The following GNAT3 variants were observed in gnomAD, a reference collection of about 807,000 sequenced individuals.
The protein encoded by GNAT3 is guanine nucleotide-binding protein G(t) subunit alpha-3.
Under a neutral mutation model 37.7 loss-of-function variants are expected in GNAT3, and 31 were observed. The observed-to-expected ratio is 0.82, with a 90% CI of 0.62 to 1.11. GNAT3 has a LOEUF of 1.11. GNAT3 is among the 50% of genes most tolerant of loss of function. GNAT3 has a pLI of 0.00. For synonymous variants in GNAT3, 138 were observed against 139.8 expected (o/e 0.99, Z 0.09); for missense variants, 437 against 412.5 (o/e 1.06, Z -0.51).
intron 3 of GNAT3, among the ~76,000 whole-genome samples, chr7:80,482,858 T>C (rs369203687): frequency 6.6e-5 from 10 of 152,072 alleles, no homozygotes; most frequent in African/African-American, 2.2e-4. Context: ...ATTCTATTTT[T>C]AATTTCAATA....
chr7:80,479,825 C>T (rs558520293), intron 3 of GNAT3, among the ~76,000 whole-genome samples: 4 of 151,500 alleles, frequency 2.6e-5, no homozygotes, highest in African/African-American at 4.8e-5. Flanking sequence ...GTTACTGCCT[C>T]GTAATCATAT....
chr7:80,464,489 A>G (rs991169026), intron 5 of GNAT3, among the ~76,000 whole-genome samples: 2 of 152,144 alleles, frequency 1.3e-5, no homozygotes, highest in African/African-American at 2.4e-5. Context: ...ATTGCAGACT[A>G]TAGAAGACTA....
At chr7:80,506,791 T>C (rs1020290281) in intron 1 of GNAT3, among the ~76,000 whole-genome samples, 2 of 152,196 alleles carry the variant, frequency 1.3e-5, no homozygotes, top group African/African-American at 4.8e-5. Flanking sequence ...GTGTACAACA[T>C]GGCATTTTGA....
chr7:80,471,571 T>C (rs1790220784), intron 5 of GNAT3, among the ~76,000 whole-genome samples: 1 of 152,164 alleles, frequency 6.6e-6, no homozygotes, highest in Middle Eastern at 3.4e-3. Flanking sequence ...AACTTAAAGA[T>C]AGTTCCCCAA....
chr7:80,501,495 G>A (rs1790833783), intron 1 of GNAT3, among the ~76,000 whole-genome samples: 1 of 151,826 alleles, frequency 6.6e-6, no homozygotes, highest in Non-Finnish European at 1.5e-5. Context: ...AATTCTAAAT[G>A]TTATCTAATA....
At chr7:80,465,175 A>G (rs1023238243) in intron 5 of GNAT3, among the ~76,000 whole-genome samples, 1 of 152,170 alleles carries the variant, frequency 6.6e-6, no homozygotes, top group Non-Finnish European at 1.5e-5. Flanking sequence ...AAACAACCTT[A>G]GTGTTTTTCA....
At chr7:80,508,333 G>A (rs552599140) in intron 1 of GNAT3, among the ~76,000 whole-genome samples, 1 of 151,850 alleles carries the variant, frequency 6.6e-6, no homozygotes, top group South Asian at 2.1e-4. Context: ...GATGTAATAA[G>A]CATAAAGAGA....
intron 1 of GNAT3, among the ~76,000 whole-genome samples, chr7:80,508,531 T>C (rs996363665): frequency 1.8e-4 from 28 of 152,194 alleles, no homozygotes; most frequent in African/African-American, 6.7e-4. Context: ...GGAATATCTT[T>C]GCAAGTAAAT....
chr7:80,463,894 T>C (rs2906197), intron 5 of GNAT3, among the ~76,000 whole-genome samples: 2,925 of 150,902 alleles, frequency 0.019, 87 homozygotes, highest in African/African-American at 0.066. Context: ...TGAGAGAACA[T>C]AGCATGTTTG....
intron 3 of GNAT3, among the ~76,000 whole-genome samples, chr7:80,481,118 C>CA (rs1177655875): frequency 2.0e-5 from 3 of 152,014 alleles, no homozygotes; most frequent in Non-Finnish European, 4.4e-5. Context: ...AAGGATATGT[C>CA]ACTTATTGTT....
At chr7:80,505,294 T>A (rs918519941) in intron 1 of GNAT3, among the ~76,000 whole-genome samples, 1 of 152,214 alleles carries the variant, frequency 6.6e-6, no homozygotes, top group Admixed American at 6.5e-5. Context: ...ATCAGACAAC[T>A]AATTCACTAA....
At chr7:80,485,044 G>A (rs1160811747) in intron 3 of GNAT3, among the ~76,000 whole-genome samples, 1 of 151,998 alleles carries the variant, frequency 6.6e-6, no homozygotes, top group African/African-American at 2.4e-5. Flanking sequence ...ACCTTTCAAT[G>A]TGGATAATTC....
At chr7:80,500,128 A>G (rs1388966724) in intron 1 of GNAT3, among the ~76,000 whole-genome samples, 1 of 152,096 alleles carries the variant, frequency 6.6e-6, no homozygotes, top group Non-Finnish European at 1.5e-5. Flanking sequence ...TACCAGATTT[A>G]TGAACAGCAC....
At position 80,462,231 on chromosome 7, in the gene GNAT3, G is replaced by A. The variant is rs372732114; in HGVS notation, c.802C>T (p.Leu268Phe). ...YFSTTSIVLFLNKKDIFQEKV... is the reference protein window; with the variant it reads ...YFSTTSIVLFFNKKDIFQEKV... ...TCTTGAAAGATATCTTTTTTGTTGA[G>A]GAACAGGACAATGGAGGTTGTTGAA... The change falls in exon 7 of 8, where the codon CTC becomes TTC. Residue 268 changes from leucine (L) to phenylalanine (F), a missense_variant. Physicochemically the swap from Leu to Phe is conservative, Grantham distance 22. Coordinates refer to ENST00000398291, the MANE Select transcript of GNAT3 (RefSeq NM_001102386.3). The A allele has an allele frequency of 1.1e-5, 18 of 1,610,602 alleles. No homozygotes were observed. Among genetic ancestry groups the A allele is most frequent in the Non-Finnish European group, 1.4e-5 (16 of 1,177,898 alleles).
chr7:80,491,388 C>G (rs1790588616), intron 2 of GNAT3, among the ~76,000 whole-genome samples: 1 of 152,122 alleles, frequency 6.6e-6, no homozygotes, highest in South Asian at 2.1e-4. Flanking sequence ...CTAGTTTAGA[C>G]AAAGTGTGTG....
At position 80,478,897 on chromosome 7, in the gene GNAT3, T is replaced by C. The variant is rs200968174; in HGVS notation, c.405A>G (p.Gly135=). 2 of 1,613,434 alleles carry C rather than the reference T, an allele frequency of 1.2e-6. No homozygotes were observed. The highest frequency in any genetic ancestry group is 1.7e-6 in the Non-Finnish European group (2 of 1,179,536). ...ATGCCCTTTCAAAGCAGGCCTGAAT[T>C]CCTGGATCTCTCCACAGCCGTTTTA... ...EVIKRLWRDP[G]IQACFERASE... The change falls in exon 4 of 8, where the codon GGA becomes GGG. Residue 135 remains glycine, a synonymous_variant. Coordinates refer to ENST00000398291, the MANE Select transcript of GNAT3 (RefSeq NM_001102386.3).
At chr7:80,479,655 G>A (rs1180674917) in intron 3 of GNAT3, among the ~76,000 whole-genome samples, 1 of 149,278 alleles carries the variant, frequency 6.7e-6, no homozygotes, top group Non-Finnish European at 1.5e-5. Context: ...AGGTTGCAGT[G>A]GGCAGAGATT....
At chr7:80,507,626 G>T (rs1351064537) in intron 1 of GNAT3, among the ~76,000 whole-genome samples, 1 of 151,980 alleles carries the variant, frequency 6.6e-6, no homozygotes, top group African/African-American at 2.4e-5. Flanking sequence ...TACAGTTGAT[G>T]AAGGTATTAA....
chr7:80,488,783 A>G (rs2116192273), intron 2 of GNAT3, 107 bp from the exon 3 acceptor site: 2 of 762,766 alleles, frequency 2.6e-6, no homozygotes, highest in South Asian at 2.3e-5. Context: ...ATTCATTAAA[A>G]AGGAATTTTG....
Sources: gnomAD v4.1 joint callset for allele counts (sites outside exome capture counted in the v4.1 genomes callset) on GRCh38, gnomAD v4.1.1 for gene constraint, MANE v1.5 for transcripts, NCBI Gene and HGNC (gene_info 2026-07-23, HGNC 2026-07-21) for gene names.